The following CYP4F12 variants were observed in gnomAD, a reference collection of about 807,000 sequenced individuals.
CYP4F12 encodes cytochrome P450 family 4 subfamily F member 12, also known as cytochrome P450 4F12.
Under a neutral mutation model 56.5 loss-of-function variants are expected in CYP4F12, and 60 were observed. That is an observed-to-expected ratio of 1.06 (90% CI 0.86 to 1.32). The LOEUF is 1.32. Ranked by LOEUF, CYP4F12 falls within the 40% of genes most tolerant of loss-of-function variation. The pLI, the probability that CYP4F12 is intolerant of heterozygous loss-of-function variation, is 0.00. For synonymous variants in CYP4F12, 263 were observed against 264.9 expected (o/e 0.99, Z 0.07); for missense variants, 711 against 683.5 (o/e 1.04, Z -0.45).
chr19:15,694,220 G>A (rs2008016420), intron 9 of CYP4F12, among the ~76,000 whole-genome samples: 1 of 151,852 alleles, frequency 6.6e-6, no homozygotes. Context: ...TTCCAATTCT[G>A]TGAAGAAAGT....
chr19:15,696,267 C>T (rs1317818244), intron 11 of CYP4F12, 42 bp downstream of exon 11: 1 of 1,612,776 alleles, frequency 6.2e-7, no homozygotes, highest in South Asian at 1.1e-5. Context: ...CCATCCTCTA[C>T]TTTTGTGTGT....
intron 5 of CYP4F12, chr19:15,680,821 A>T: frequency 2.5e-6 from 1 of 398,536 alleles, no homozygotes; most frequent in Non-Finnish European, 4.8e-6. Context: ...CCACTTCAGA[A>T]CTCATTGGCT....
intron 2 of CYP4F12, among the ~76,000 whole-genome samples, chr19:15,675,980 T>C (rs1177051081): frequency 6.6e-6 from 1 of 152,164 alleles, no homozygotes; most frequent in African/African-American, 2.4e-5. Context: ...CCATGATATA[T>C]CATCTGCAAG....
intron 12 of CYP4F12, 49 bp from the exon 13 acceptor site, chr19:15,696,858 AC>A: frequency 6.4e-7 from 1 of 1,561,254 alleles, no homozygotes; most frequent in Non-Finnish European, 8.7e-7. Flanking sequence ...GGTTGATGGG[AC>A]CCAAATGCGG....
chr19:15,694,198 T>G (rs1439789863), intron 9 of CYP4F12, among the ~76,000 whole-genome samples: 2 of 100,276 alleles, frequency 2.0e-5, no homozygotes, highest in East Asian at 5.0e-4. Context: ...ATATGAACTT[T>G]AAAGTAGTTT....
chr19:15,689,084 A>G (rs1030435151), intron 9 of CYP4F12, among the ~76,000 whole-genome samples: 1 of 149,930 alleles, frequency 6.7e-6, no homozygotes, highest in South Asian at 2.1e-4. Context: ...AACCAAAAAT[A>G]AATCAGTGGA....
intron 2 of CYP4F12, among the ~76,000 whole-genome samples, chr19:15,675,913 G>T (rs1294786928): frequency 1.3e-5 from 2 of 152,186 alleles, no homozygotes; most frequent in Non-Finnish European, 2.9e-5. Flanking sequence ...GAAAGAGATA[G>T]AGAGATAAGA....
chr19:15,684,353 G>A (rs1310197535), intron 7 of CYP4F12: 2 of 160,372 alleles, frequency 1.2e-5, no homozygotes, highest in South Asian at 1.9e-4. Flanking sequence ...CCCCTCTCCT[G>A]TGAGATGGCA....
chr19:15,695,830 G>A (rs2008104318), intron 9 of CYP4F12, 106 bp from the exon 10 acceptor site: 2 of 1,449,276 alleles, frequency 1.4e-6, no homozygotes, highest in African/African-American at 1.5e-5. Context: ...GATCCCCGTG[G>A]AGTTTATTTT....
intron 9 of CYP4F12, among the ~76,000 whole-genome samples, chr19:15,689,143 A>AATAATAATAATCATCATCATCATC (rs146012868): frequency 6.6e-6 from 1 of 150,688 alleles, no homozygotes; most frequent in Non-Finnish European, 1.5e-5. Context: ...TAATAATAAT[A>AATAATAATAATCATCATCATCATC]ATAGCCGACT....
Position 15,685,109 on chromosome 19 carries a change from A to C in CYP4F12, c.1027A>C (p.Asn343His), listed in dbSNP as rs765647037. Reference sequence around the variant, plus strand: ...CAGTGGCCTCTCCTGGGTCCTGTACAACCTTGCGAGGCACCCAGAATACCA... The same window carrying C: ...CAGTGGCCTCTCCTGGGTCCTGTACCACCTTGCGAGGCACCCAGAATACCA... Reference protein sequence around the residue: ...TASGLSWVLYNLARHPEYQER... With the variant: ...TASGLSWVLYHLARHPEYQER... Residue 343 changes from asparagine to histidine, a missense_variant, in exon 9 of 13, where the codon AAC becomes CAC. Transcript: ENST00000550308. 7 of 1,614,200 alleles carry C rather than the reference A, an allele frequency of 4.3e-6. No individual in the cohort carries two copies. Among genetic ancestry groups the C allele is most frequent in the Non-Finnish European group, 5.9e-6 (7 of 1,180,026 alleles).
intron 2 of CYP4F12, among the ~76,000 whole-genome samples, chr19:15,675,531 G>A (rs1393854879): frequency 6.6e-6 from 1 of 152,222 alleles, no homozygotes; most frequent in Non-Finnish European, 1.5e-5. Context: ...AGGCCACACT[G>A]CTGCCCACAA....
rs988827487 is a variant in CYP4F12 at position 15,685,133 on chromosome 19, C to G, written c.1051C>G (p.Gln351Glu). The G allele has an allele frequency of 4.3e-6, 7 of 1,614,088 alleles. No homozygotes were observed. The African/African-American group carries it at 9.3e-5, about 22-fold the overall frequency. Residue 351 changes from glutamine to glutamate, a missense_variant, in exon 9 of 13, where the codon CAG (glutamine) becomes GAG (glutamate). Physicochemically the swap from Gln to Glu is conservative, Grantham distance 29 (BLOSUM62 2). Coordinates refer to ENST00000550308, the MANE Select transcript of CYP4F12 (RefSeq NM_023944.4). The stretch of plus-strand genomic sequence containing the variant: ...CAACCTTGCGAGGCACCCAGAATAC[C>G]AGGAGCGCTGCCGACAGGAGGTGCA... Reference protein sequence around the residue: ...LYNLARHPEYQERCRQEVQEL... With the variant: ...LYNLARHPEYEERCRQEVQEL...
At chr19:15,680,367 C>T (rs750351950) in intron 4 of CYP4F12, 25 bp from the exon 5 acceptor site, 28 of 1,613,854 alleles carry the variant, frequency 1.7e-5, no homozygotes, top group Non-Finnish European at 2.4e-5. Flanking sequence ...CTGCTCTTGC[C>T]CACTGTCCTT....
At chr19:15,673,211 T>C in intron 1 of CYP4F12, 76 bp downstream of exon 1, 1 of 512,494 alleles carries the variant, frequency 2.0e-6, no homozygotes, top group Non-Finnish European at 3.7e-6. Flanking sequence ...CTGGGGTGGC[T>C]CCAAGATGCT....
At position 15,673,636 on chromosome 19, in the gene CYP4F12, C is replaced by T; in HGVS notation, c.107C>T (p.Ala36Val). The T allele has an allele frequency of 6.2e-7, 1 of 1,614,172 alleles. No individual in the cohort carries two copies. Among genetic ancestry groups the T allele is most frequent in the Non-Finnish European group, 8.5e-7 (1 of 1,180,036 alleles). The change falls in exon 2 of 13, where the codon GCT becomes GTT. Residue 36 changes from alanine (A) to valine (V), a missense_variant. Transcript: ENST00000550308. ...TCCTGGCTACTCGCCCGCATCCTGGCTTGGACCTATGCCTTCTATAACAAC... is the reference window on the plus strand; with the variant it reads ...TCCTGGCTACTCGCCCGCATCCTGGTTTGGACCTATGCCTTCTATAACAAC... ...VGSWLLARIL[A>V]WTYAFYNNCR...
intron 2 of CYP4F12, among the ~76,000 whole-genome samples, chr19:15,676,233 A>G (rs1396890098): frequency 6.6e-6 from 1 of 152,098 alleles, no homozygotes; most frequent in Non-Finnish European, 1.5e-5. Flanking sequence ...CTGTGTATTG[A>G]TGGTGGCTGG....
At chr19:15,692,997 G>A (rs1172218209) in intron 9 of CYP4F12, among the ~76,000 whole-genome samples, 1 of 152,192 alleles carries the variant, frequency 6.6e-6, no homozygotes, top group Non-Finnish European at 1.5e-5. Context: ...AGAATCACTT[G>A]AACCAGGGAG....
At chr19:15,693,586 T>C (rs920619577) in intron 9 of CYP4F12, among the ~76,000 whole-genome samples, 4 of 147,686 alleles carry the variant, frequency 2.7e-5, no homozygotes, top group South Asian at 2.2e-4. Context: ...TTCTGGATAT[T>C]AGCCCTCTGT....
Sources: allele counts gnomAD v4.1 joint callset (sites outside exome capture counted in the v4.1 genomes callset), GRCh38; gene constraint gnomAD v4.1.1; transcripts MANE v1.5; gene names NCBI Gene and HGNC (gene_info 2026-07-23, HGNC 2026-07-21).